SP140: variants seen among roughly 807,000 people sequenced by gnomAD.
SP140 encodes nuclear body protein SP140.
In SP140, 81 loss-of-function variants were observed where a neutral mutation model predicts 125.0. That is an observed-to-expected ratio of 0.65 (90% CI 0.54 to 0.78). The LOEUF (loss-of-function observed/expected upper bound fraction) is 0.78. Ranked by LOEUF, SP140 falls within the 30% of genes least tolerant of loss-of-function variation. The probability of loss-of-function intolerance (pLI) is 0.00; values close to 1 mark genes in which losing one functional copy is unlikely to be tolerated. For synonymous variants in SP140, 312 were observed against 354.0 expected (o/e 0.88, Z 1.33); for missense variants, 858 against 1,037.0 (o/e 0.83, Z 2.37).
chr2:230,231,024 C>T (rs2047159343), intron 1 of SP140, among the ~76,000 whole-genome samples: 1 of 152,038 alleles, frequency 6.6e-6, no homozygotes, highest in South Asian at 2.1e-4. Flanking sequence ...TTTCCTTGGC[C>T]ATGTCCAGGC....
At chr2:230,286,644 G>A (rs988491394) in intron 17 of SP140, among the ~76,000 whole-genome samples, 3 of 152,198 alleles carry the variant, frequency 2.0e-5, no homozygotes, top group Non-Finnish European at 2.9e-5. Flanking sequence ...AAGAAATAGA[G>A]CTTTACTTCT....
At chr2:230,270,965 A>G in intron 15 of SP140, 2 of 392,400 alleles carry the variant, frequency 5.1e-6, no homozygotes, top group South Asian at 4.0e-5. Context: ...AGATGTGACT[A>G]TGGAAGAATC....
chr2:230,205,365 T>C (rs2043653760), intron 1 of SP140, among the ~76,000 whole-genome samples: 1 of 152,180 alleles, frequency 6.6e-6, no homozygotes, highest in South Asian at 2.1e-4. Flanking sequence ...TGCCTCAGGT[T>C]CTTTGCACTT....
intron 1 of SP140, among the ~76,000 whole-genome samples, chr2:230,232,871 T>A (rs1453154600): frequency 1.3e-5 from 2 of 152,202 alleles, no homozygotes; most frequent in African/African-American, 2.4e-5. Context: ...CCATTAGTAA[T>A]CTTTAATCTT....
chr2:230,199,954 G>GA (rs1362359204), upstream of SP140, among the ~76,000 whole-genome samples: 1 of 152,028 alleles, frequency 6.6e-6, no homozygotes, highest in Non-Finnish European at 1.5e-5. Context: ...AGGGGATCCT[G>GA]AAAAAAATCC....
downstream of SP140, among the ~76,000 whole-genome samples, chr2:230,313,367 G>A (rs552519776): frequency 3.3e-5 from 5 of 152,244 alleles, no homozygotes; most frequent in African/African-American, 1.2e-4. Flanking sequence ...CTGCTGAGTG[G>A]TGGCTGCTAA....
chr2:230,198,761 AT>A (rs938277115), upstream of SP140, among the ~76,000 whole-genome samples: 3 of 151,626 alleles, frequency 2.0e-5, no homozygotes, highest in Admixed American at 1.3e-4. Flanking sequence ...GGCTCAGCTA[AT>A]TTTTTTTGTA....
intron 3 of SP140, among the ~76,000 whole-genome samples, chr2:230,214,750 C>G (rs2044912388): frequency 6.6e-6 from 1 of 152,124 alleles, no homozygotes; most frequent in South Asian, 2.1e-4. Flanking sequence ...TTTATGTCCT[C>G]TAGAAGTTCA....
chr2:230,195,104 T>C, the SP140 span, among the ~76,000 whole-genome samples: 4 of 152,076 alleles, frequency 2.6e-5, no homozygotes. Flanking sequence ...TTTCTCCTTT[T>C]TTCTAAAAAA....
At chr2:230,214,982 T>C (rs1574777837) in intron 3 of SP140, 8 of 1,614,004 alleles carry the variant, frequency 5.0e-6, no homozygotes, top group Middle Eastern at 1.7e-4. Context: ...CGTCACCAGA[T>C]TGGGATATTC....
upstream of SP140, among the ~76,000 whole-genome samples, chr2:230,220,886 C>T (rs1013477201): frequency 6.6e-6 from 1 of 152,032 alleles, no homozygotes; most frequent in Non-Finnish European, 1.5e-5. Context: ...TGGCATGCAC[C>T]TTGTAGTCCT....
intron 15 of SP140, among the ~76,000 whole-genome samples, chr2:230,278,354 T>G (rs1157260374): frequency 6.6e-6 from 1 of 152,144 alleles, no homozygotes; most frequent in African/African-American, 2.4e-5. Context: ...TTGTTTTGTT[T>G]TTTTGCTATT....
At chr2:230,198,121 A>G (rs200707626), upstream of SP140, among the ~76,000 whole-genome samples, 11 of 123,522 alleles carry the variant, frequency 8.9e-5, no homozygotes, top group African/African-American at 2.4e-4. Flanking sequence ...CCTCTGTAGG[A>G]CTGGAAGTCC....
At chr2:230,277,051 A>C (rs777093717) in intron 15 of SP140, among the ~76,000 whole-genome samples, 9 of 152,184 alleles carry the variant, frequency 5.9e-5, no homozygotes, top group Non-Finnish European at 1.2e-4. Context: ...AATGCTGTGA[A>C]CATTGTTGAA....
At position 230,215,038 on chromosome 2, in the gene SP140, A is replaced by T. The variant is rs762509016; in HGVS notation, c.-91+964A>T. ...ACAATGTCACCAGAAGAGACAGGTT[A>T]AAAGTCCTCTCCAGTTGGGTGAGAA... On this transcript the variant is annotated intron_variant, in intron 3 of 4. Transcript: ENST00000456542. The T allele has an allele frequency of 5.0e-6, 8 of 1,613,586 alleles. No homozygotes were observed. In the South Asian group the frequency reaches 8.8e-5, roughly 18 times the overall value.
intron 1 of SP140, among the ~76,000 whole-genome samples, chr2:230,226,124 C>T (rs950315142): frequency 6.6e-6 from 1 of 152,192 alleles, no homozygotes; most frequent in Non-Finnish European, 1.5e-5. Flanking sequence ...CTTACATCTG[C>T]AAATGGCTGG....
intron 7 of SP140, among the ~76,000 whole-genome samples, chr2:230,246,283 G>C (rs1490410725): frequency 6.6e-6 from 1 of 152,164 alleles, no homozygotes; most frequent in African/African-American, 2.4e-5. Context: ...GAAAGAGAGA[G>C]AGAAAGAAAA....
chr2:230,216,016 G>C (rs1008133601), intron 3 of SP140, among the ~76,000 whole-genome samples: 5 of 152,088 alleles, frequency 3.3e-5, no homozygotes, highest in African/African-American at 1.2e-4. Context: ...TTGAGTCTAG[G>C]GCTCAATTAA....
intron 21 of SP140, 24 bp downstream of exon 21, chr2:230,294,342 A>G (rs2057453261): frequency 6.4e-7 from 1 of 1,563,562 alleles, no homozygotes; most frequent in Non-Finnish European, 8.8e-7. Flanking sequence ...AGCTTTATAC[A>G]GCTTCTTGTC....
Sources: allele counts gnomAD v4.1 joint callset (sites outside exome capture counted in the v4.1 genomes callset), GRCh38; gene constraint gnomAD v4.1.1; transcripts MANE v1.5; gene names NCBI Gene and HGNC (gene_info 2026-07-23, HGNC 2026-07-21).